The following MED12L variants were observed in gnomAD, a reference collection of about 807,000 sequenced individuals.
MED12L encodes the protein mediator of RNA polymerase II transcription subunit 12-like protein.
A neutral mutation model predicts 281.3 loss-of-function variants in MED12L; 60 were observed. That is an observed-to-expected ratio of 0.21 (90% confidence interval 0.17 to 0.26). The LOEUF is 0.26. Among genes scored for constraint, MED12L ranks in the 10% least tolerant of loss-of-function variants. MED12L has a pLI of 1.00. For missense variants in MED12L, 2,146 were observed against 2,680.9 expected (o/e 0.80, Z 4.41); for synonymous variants, 974 against 987.2 (o/e 0.99, Z 0.25).
intron 27 of MED12L, among the ~76,000 whole-genome samples, chr3:151,375,167 G>A (rs1335775272): frequency 6.6e-6 from 1 of 152,098 alleles, no homozygotes; most frequent in Non-Finnish European, 1.5e-5. Flanking sequence ...CTGATATTTG[G>A]GTGCCACCAC....
intron 16 of MED12L, chr3:151,316,627 G>A (rs1191512494): frequency 1.3e-5 from 2 of 152,168 alleles, no homozygotes; most frequent in African/African-American, 4.8e-5. Context: ...CTCATACGGT[G>A]TCTTCAAGTT....
At chr3:151,253,979 T>C (rs1737316821) in intron 16 of MED12L, among the ~76,000 whole-genome samples, 1 of 148,484 alleles carries the variant, frequency 6.7e-6, no homozygotes, top group South Asian at 2.1e-4. Flanking sequence ...TATACCTTCT[T>C]TTTGTTTTGA....
intron 6 of MED12L, 52 bp downstream of exon 6, chr3:151,156,382 C>A (rs1180462991): frequency 6.7e-7 from 1 of 1,499,602 alleles, no homozygotes; most frequent in South Asian, 1.3e-5. Flanking sequence ...AAGAAGACAG[C>A]AAATTCCTTA....
chr3:151,399,786 T>C (rs1715433504), intron 39 of MED12L, among the ~76,000 whole-genome samples: 1 of 152,072 alleles, frequency 6.6e-6, no homozygotes, highest in South Asian at 2.1e-4. Context: ...ATCGATCATC[T>C]AGGGAAGGAG....
intron 2 of MED12L, among the ~76,000 whole-genome samples, chr3:151,114,384 A>G (rs1207499519): frequency 6.6e-6 from 1 of 152,244 alleles, no homozygotes; most frequent in African/African-American, 2.4e-5. Context: ...ATAATTAAGT[A>G]AAGTTACATG....
intron 16 of MED12L, among the ~76,000 whole-genome samples, chr3:151,254,229 T>G (rs1423921103): frequency 6.6e-6 from 1 of 152,226 alleles, no homozygotes; most frequent in Non-Finnish European, 1.5e-5. Context: ...GACTTCCTTG[T>G]GTGGAAGATG....
At chr3:151,288,035 A>G (rs2149655689) in intron 16 of MED12L, among the ~76,000 whole-genome samples, 1 of 152,190 alleles carries the variant, frequency 6.6e-6, no homozygotes, top group African/African-American at 2.4e-5. Flanking sequence ...GAGATCTGGG[A>G]TTCTATATTG....
chr3:151,163,747 G>C (rs1720309946), intron 8 of MED12L, 146 bp from the exon 9 acceptor site: 1 of 660,504 alleles, frequency 1.5e-6, no homozygotes, highest in Admixed American at 4.1e-5. Flanking sequence ...TTGCGAAGTT[G>C]AGAATGGGGT....
chr3:151,139,829 G>C (rs1247289698), intron 5 of MED12L, among the ~76,000 whole-genome samples: 1 of 152,032 alleles, frequency 6.6e-6, no homozygotes, highest in Non-Finnish European at 1.5e-5. Flanking sequence ...GGAGTTTATG[G>C]ACAATAGGCT....
intron 16 of MED12L, among the ~76,000 whole-genome samples, chr3:151,312,153 G>A (rs1234329196): frequency 6.6e-6 from 1 of 152,182 alleles, no homozygotes; most frequent in Non-Finnish European, 1.5e-5. Flanking sequence ...AGTTTTATTT[G>A]TAATTTTGGG....
At chr3:151,394,479 T>C (rs1714698778) in intron 38 of MED12L, among the ~76,000 whole-genome samples, 177 bp from the exon 39 acceptor site, 1 of 152,222 alleles carries the variant, frequency 6.6e-6, no homozygotes, top group Admixed American at 6.5e-5. Context: ...CCCCTCATCT[T>C]TTGTAAGTTA....
chr3:151,359,875 C>T (rs1754393855), intron 20 of MED12L, among the ~76,000 whole-genome samples: 1 of 152,028 alleles, frequency 6.6e-6, no homozygotes, highest in African/African-American at 2.4e-5. Flanking sequence ...ACAAAGAGGC[C>T]TATAACTACA....
At chr3:151,248,969 C>T (rs889009494) in intron 16 of MED12L, 7 of 152,144 alleles carry the variant, frequency 4.6e-5, no homozygotes, top group African/African-American at 1.4e-4. Flanking sequence ...CTGGACTGCT[C>T]GTGTTGACCA....
At chr3:151,192,853 G>T (rs1231520) in intron 15 of MED12L, among the ~76,000 whole-genome samples, 199 bp downstream of exon 15, 10 of 152,128 alleles carry the variant, frequency 6.6e-5, no homozygotes, top group African/African-American at 9.7e-5. Context: ...TCTGTAAATT[G>T]GAACACTCCT....
At chr3:151,319,565 CCTT>C (rs1748745962) in intron 16 of MED12L, among the ~76,000 whole-genome samples, 1 of 148,094 alleles carries the variant, frequency 6.8e-6, no homozygotes, top group Non-Finnish European at 1.5e-5. Context: ...TGATTTTTTT[CCTT>C]CTAACATTAT....
intron 42 of MED12L, 96 bp downstream of exon 42, chr3:151,413,391 G>C (rs1474886855): frequency 2.1e-6 from 3 of 1,409,684 alleles, no homozygotes; most frequent in Non-Finnish European, 2.9e-6. Flanking sequence ...GTTGTCAATT[G>C]CCAGATTCCA....
intron 16 of MED12L, among the ~76,000 whole-genome samples, chr3:151,302,537 A>G (rs547475903): frequency 6.6e-6 from 1 of 152,322 alleles, no homozygotes; most frequent in East Asian, 1.9e-4. Context: ...TGCTTTATAA[A>G]TGCCAGTTTC....
chr3:151,193,633 C>T lies in MED12L; in HGVS notation c.2217C>T (p.His739=). ...IFPSNYDLLR[H]LQYATHFPIP... ...CATCTAATTATGACCTCCTTCGCCACTTACAGTATGCAACACATTTTCCTA... is the reference window on the plus strand; with the variant it reads ...CATCTAATTATGACCTCCTTCGCCATTTACAGTATGCAACACATTTTCCTA... The change falls in exon 16 of 45, where the codon CAC becomes CAT. Residue 739 remains histidine, a synonymous_variant. Coordinates refer to ENST00000687756, the MANE Select transcript of MED12L (RefSeq NM_001393769.1). 1 of 1,614,078 alleles carries T rather than the reference C, an allele frequency of 6.2e-7. No individual in the cohort carries two copies.
At chr3:151,104,323 C>G (rs1313385666) in intron 2 of MED12L, among the ~76,000 whole-genome samples, 1 of 152,212 alleles carries the variant, frequency 6.6e-6, no homozygotes, top group Non-Finnish European at 1.5e-5. Flanking sequence ...CTTCAGGAGG[C>G]TGGTATTAAT....
Sources: gnomAD v4.1 joint callset for allele counts (sites outside exome capture counted in the v4.1 genomes callset) on GRCh38, gnomAD v4.1.1 for gene constraint, MANE v1.5 for transcripts, NCBI Gene and HGNC (gene_info 2026-07-23, HGNC 2026-07-21) for gene names.